The following SDK1 variants were observed in gnomAD, a reference collection of about 807,000 sequenced individuals.
SDK1 encodes the protein sidekick cell adhesion molecule 1, also known as protein sidekick-1.
In SDK1, 157 loss-of-function variants were observed where a neutral mutation model predicts 245.5. The ratio of observed to expected loss-of-function variants is 0.64; its 90% CI spans 0.56 to 0.73. The LOEUF is 0.73. Ranked by LOEUF, SDK1 falls within the 30% of genes least tolerant of loss-of-function variation. The pLI is 0.00. For synonymous variants in SDK1, 1,647 were observed against 1,278.5 expected, an observed-to-expected ratio of 1.29 and a Z score of -6.15; for missense variants, 3,583 against 3,002.3, an observed-to-expected ratio of 1.19 and a Z score of -4.52.
chr7:3,549,191 A>G (rs918601515), intron 1 of SDK1, among the ~76,000 whole-genome samples: 1 of 152,206 alleles, frequency 6.6e-6, no homozygotes, highest in Non-Finnish European at 1.5e-5. Flanking sequence ...TTTTGATAGA[A>G]TTTGGAATTT....
At chr7:4,146,255 G>T (rs1779970810) in intron 29 of SDK1, among the ~76,000 whole-genome samples, 1 of 147,204 alleles carries the variant, frequency 6.8e-6, no homozygotes, top group Non-Finnish European at 1.5e-5. Flanking sequence ...AGCATTTCGT[G>T]ACACACTTTC....
chr7:3,735,160 A>AT (rs1779284259), intron 4 of SDK1, among the ~76,000 whole-genome samples: 1 of 152,236 alleles, frequency 6.6e-6, no homozygotes, highest in Admixed American at 6.5e-5. Flanking sequence ...TAAAAAAAAA[A>AT]ATTAATTGTG....
chr7:3,575,684 G>T lies in SDK1; in HGVS notation c.299-43396G>T, dbSNP rs572385158. ...AAGGCAATAGATGTGTTTAGAGAAGGTTTGGGGGATCAACTTATAAAGAGC... is the reference window on the plus strand; with the variant it reads ...AAGGCAATAGATGTGTTTAGAGAAGTTTTGGGGGATCAACTTATAAAGAGC... On this transcript the variant is annotated intron_variant, in intron 1 of 44. Transcript: ENST00000404826. Among the ~76,000 whole-genome samples the T allele has an allele frequency of 2.3e-4, 35 of 152,024 alleles. 1 individual carries two copies. The highest frequency in any genetic ancestry group is 7.5e-4 in the African/African-American group (31 of 41,516).
At chr7:3,492,789 A>G (rs1485617534) in intron 1 of SDK1, among the ~76,000 whole-genome samples, 1 of 152,206 alleles carries the variant, frequency 6.6e-6, no homozygotes, top group African/African-American at 2.4e-5. Flanking sequence ...AGAACGATGC[A>G]GCTGTTTAGC....
intron 4 of SDK1, among the ~76,000 whole-genome samples, chr7:3,745,851 A>G (rs1779599506): frequency 6.6e-6 from 1 of 152,216 alleles, no homozygotes; most frequent in African/African-American, 2.4e-5. Context: ...AAAATCCAAA[A>G]TAATGGATTG....
intron 5 of SDK1, among the ~76,000 whole-genome samples, chr7:3,897,882 C>T (rs915645397): frequency 6.6e-6 from 1 of 151,864 alleles, no homozygotes; most frequent in Non-Finnish European, 1.5e-5. Flanking sequence ...CTTTTCTTAT[C>T]TTTTCTCTCA....
At chr7:3,673,760 C>T (rs1433343595) in intron 4 of SDK1, among the ~76,000 whole-genome samples, 1 of 152,140 alleles carries the variant, frequency 6.6e-6, no homozygotes, top group African/African-American at 2.4e-5. Context: ...ATAGTCAGTT[C>T]ATTATGTGGC....
At chr7:3,556,055 G>A (rs1226989903) in intron 1 of SDK1, among the ~76,000 whole-genome samples, 1 of 152,160 alleles carries the variant, frequency 6.6e-6, no homozygotes, top group African/African-American at 2.4e-5. Flanking sequence ...ATCCAGCAAA[G>A]CCACTGTTAG....
chr7:3,925,723 C>T (rs899563505), intron 5 of SDK1, among the ~76,000 whole-genome samples: 5 of 152,142 alleles, frequency 3.3e-5, no homozygotes, highest in African/African-American at 1.2e-4. Context: ...AGAGCCTCAT[C>T]TCAGAGGGAA....
At chr7:3,935,999 G>T (rs2128119230) in intron 5 of SDK1, among the ~76,000 whole-genome samples, 1 of 152,308 alleles carries the variant, frequency 6.6e-6, no homozygotes, top group East Asian at 1.9e-4. Context: ...AAGTGTTCAT[G>T]GACACATCAG....
At chr7:3,936,544 C>T (rs994351337) in intron 5 of SDK1, among the ~76,000 whole-genome samples, 8 of 149,800 alleles carry the variant, frequency 5.3e-5, no homozygotes, top group African/African-American at 2.0e-4. Flanking sequence ...TAGATCACGC[C>T]ACAGCACTCC....
In SDK1 at chr7:4,140,319, C is replaced by G. The variant is rs572939012; in HGVS notation, c.4229-5403C>G. ...CTCCCCAAGGCTCTTCCCGAGGACT[C>G]TCTTTCTTTGGCACTTTCTGGAACA... On this transcript the variant is annotated intron_variant, in intron 28 of 44. Transcript: ENST00000404826. Among the ~76,000 whole-genome samples, 4 of 152,300 alleles carry G rather than the reference C, an allele frequency of 2.6e-5. No homozygotes were observed. The East Asian group carries it at 7.7e-4, about 29-fold the overall frequency.
intron 4 of SDK1, among the ~76,000 whole-genome samples, chr7:3,712,629 GT>G (rs1312721841): frequency 6.6e-6 from 1 of 152,184 alleles, no homozygotes; most frequent in African/African-American, 2.4e-5. Context: ...TTGTCATGTT[GT>G]TTTAAAGATG....
chr7:3,304,206 A>G (rs1400510248), intron 1 of SDK1, among the ~76,000 whole-genome samples: 1 of 152,152 alleles, frequency 6.6e-6, no homozygotes, highest in Non-Finnish European at 1.5e-5. Flanking sequence ...TGCGGTGATG[A>G]GAATTTCTGA....
At chr7:4,202,234 C>T (rs1043537585) in intron 35 of SDK1, among the ~76,000 whole-genome samples, 5 of 152,218 alleles carry the variant, frequency 3.3e-5, no homozygotes. Flanking sequence ...ACCTGTCCCT[C>T]AGCCCAAGGC....
rs144579100 is a variant in SDK1 at position 3,620,452 on chromosome 7, G to A, written c.458+1213G>A. Among the ~76,000 whole-genome samples, 269 of 152,134 alleles carry A rather than the reference G, an allele frequency of 1.8e-3. 5 individuals carry two copies. In the East Asian group the frequency reaches 0.042, roughly 24 times the overall value. ...CAAGTAGCTGGTTCTACAGGCGTGA[G>A]CCACCACACCTGGCTAATTTTTGTA... On this transcript the variant is annotated intron_variant, in intron 2 of 44. Coordinates refer to ENST00000404826, the MANE Select transcript of SDK1 (RefSeq NM_152744.4).
At chr7:3,395,288 CT>C (rs1183770558) in intron 1 of SDK1, among the ~76,000 whole-genome samples, 1 of 151,776 alleles carries the variant, frequency 6.6e-6, no homozygotes, top group African/African-American at 2.4e-5. Flanking sequence ...TGATTTTTAG[CT>C]GTTAAAACCT....
At chr7:3,875,793 G>C (rs1456939102) in intron 5 of SDK1, among the ~76,000 whole-genome samples, 1 of 152,078 alleles carries the variant, frequency 6.6e-6, no homozygotes, top group Admixed American at 6.5e-5. Context: ...ACTCTTTGTG[G>C]ATACCCCTGA....
At chr7:4,011,541 C>T (rs1039509592) in intron 15 of SDK1, among the ~76,000 whole-genome samples, 6 of 152,196 alleles carry the variant, frequency 3.9e-5, no homozygotes, top group African/African-American at 9.7e-5. Flanking sequence ...CATTCCTGAG[C>T]GGTCTTCACG....
Sources: gnomAD v4.1 joint callset for allele counts (sites outside exome capture counted in the v4.1 genomes callset) on GRCh38, gnomAD v4.1.1 for gene constraint, MANE v1.5 for transcripts, NCBI Gene and HGNC (gene_info 2026-07-23, HGNC 2026-07-21) for gene names.